The following SLC22A4 variants were observed in gnomAD, a reference collection of about 807,000 sequenced individuals.
SLC22A4 encodes ET transporter.
A neutral mutation model predicts 56.6 loss-of-function variants in SLC22A4; 39 were observed. The observed-to-expected ratio is 0.69, with a 90% confidence interval of 0.53 to 0.90. The LOEUF is 0.90. Among genes scored for constraint, SLC22A4 ranks in the 40% least tolerant of loss-of-function variants. The probability of loss-of-function intolerance (pLI) is 0.00; values close to 1 mark genes in which losing one functional copy is unlikely to be tolerated. For missense variants in SLC22A4, 594 were observed against 696.5 expected (o/e 0.85, Z 1.66); for synonymous variants, 241 against 281.4 (o/e 0.86, Z 1.44).
At chr5:132,302,713 CAGACTGGT>C (rs1296808928) in intron 1 of SLC22A4, among the ~76,000 whole-genome samples, 1 of 152,216 alleles carries the variant, frequency 6.6e-6, no homozygotes, top group Non-Finnish European at 1.5e-5. Flanking sequence ...TCCCCTAATA[CAGACTGGT>C]AGAGCTGTGG....
chr5:132,326,082 G>A (rs1750681061), intron 4 of SLC22A4, among the ~76,000 whole-genome samples: 1 of 152,214 alleles, frequency 6.6e-6, no homozygotes, highest in African/African-American at 2.4e-5. Context: ...GGGCAGCCCT[G>A]CTCTGCAGGA....
At chr5:132,331,636 T>C in intron 5 of SLC22A4, 120 bp from the exon 6 acceptor site, 1 of 789,350 alleles carries the variant, frequency 1.3e-6, no homozygotes, top group Middle Eastern at 2.2e-4. Context: ...TCACCAGACT[T>C]CTAAGCATAG....
chr5:132,297,851 G>T (rs1272775855), intron 1 of SLC22A4, among the ~76,000 whole-genome samples: 1 of 152,056 alleles, frequency 6.6e-6, no homozygotes, highest in African/African-American at 2.4e-5. Flanking sequence ...AGGAGGCTGG[G>T]GCAGGAGGAT....
chr5:132,305,339 A>T (rs756283731), intron 1 of SLC22A4, among the ~76,000 whole-genome samples: 2 of 152,100 alleles, frequency 1.3e-5, no homozygotes, highest in Non-Finnish European at 2.9e-5. Context: ...CTAGGAGAGG[A>T]GAGAGAGAGA....
Position 132,322,353 on chromosome 5 carries a change from G to A in SLC22A4, c.822G>A (p.Trp274Ter). Residue 274 changes from tryptophan to a stop codon, truncating the protein, a stop_gained and splice_region_variant, in exon 4 of 10, where the codon TGG (tryptophan) becomes TGA (stop). Coordinates refer to ENST00000200652, the MANE Select transcript of SLC22A4 (RefSeq NM_003059.3). LOFTEE classifies it high-confidence loss of function. ...TVPGVLCVPLWWFIPESPRWL... is the reference protein window; with the variant it reads ...TVPGVLCVPL ...CGGGAGTGCTGTGTGTCCCGCTGTG[G>A]TGGTGAGTGTGACTCGTCCCCAGAC... is the stretch of plus-strand genomic sequence containing the variant. The A allele has an allele frequency of 6.2e-7, 1 of 1,613,380 alleles. No homozygotes were observed. The highest frequency in any genetic ancestry group is 1.1e-5 in the South Asian group (1 of 91,048).
intron 3 of SLC22A4, among the ~76,000 whole-genome samples, chr5:132,316,135 A>T (rs1239448047): frequency 1.3e-5 from 2 of 152,192 alleles, no homozygotes; most frequent in South Asian, 2.1e-4. Flanking sequence ...GCCCTAAGGA[A>T]GGGTTGGCAA....
chr5:132,317,364 CT>C (rs1750391970), intron 3 of SLC22A4, among the ~76,000 whole-genome samples: 1 of 152,234 alleles, frequency 6.6e-6, no homozygotes, highest in Middle Eastern at 3.2e-3. Flanking sequence ...CCCCTCGCCC[CT>C]GGCAACCACT....
In SLC22A4 at chr5:132,322,364, G is replaced by A; in HGVS notation, c.824+9G>A. 1 of 1,612,932 alleles carries A rather than the reference G, an allele frequency of 6.2e-7. No homozygotes were observed. The highest frequency in any genetic ancestry group is 8.5e-7 in the Non-Finnish European group (1 of 1,179,666). ...TGTGTCCCGCTGTGGTGGTGAGTGT[G>A]ACTCGTCCCCAGACAGGCCCTCTGC... On this transcript the variant is annotated intron_variant, in intron 4 of 9. Transcript: ENST00000200652.
intron 5 of SLC22A4, among the ~76,000 whole-genome samples, chr5:132,328,889 A>G (rs941737292): frequency 3.9e-5 from 2 of 51,652 alleles, no homozygotes; most frequent in African/African-American, 1.1e-4. Context: ...ATGTGTATAT[A>G]TATGTGTGTA....
rs56259514 is a variant in SLC22A4 at position 132,308,372 on chromosome 5, ATTTTTTTTTTTTT to A, written c.394-3764_394-3752del. On this transcript the variant is annotated intron_variant, in intron 1 of 9. Transcript: ENST00000200652. ...TGTCAGTTGAATCAATGATTAAGCA[ATTTTTTTTTTTTT>A]TTTTTTTTTTTTTTTTTTTTTTTTA... 2.6e-4 allele frequency among the ~76,000 whole-genome samples: 16 copies of A among 61,328 alleles called. No homozygotes were observed. The South Asian group carries it at 3.1e-3, about 12-fold the overall frequency. 40.2% of individuals were successfully genotyped at this position (61,328 alleles called of 152,430 possible). A position where few individuals can be genotyped will look rare whatever the true frequency, so the allele number is the denominator to read the frequency against.
chr5:132,326,621 A>G (rs917045973), intron 4 of SLC22A4, among the ~76,000 whole-genome samples: 14 of 152,280 alleles, frequency 9.2e-5, no homozygotes, highest in Non-Finnish European at 1.9e-4. Flanking sequence ...AGCATCAGCT[A>G]TAAATGGGAA....
At chr5:132,326,020 T>G (rs557543261) in intron 4 of SLC22A4, among the ~76,000 whole-genome samples, 8 of 152,238 alleles carry the variant, frequency 5.3e-5, no homozygotes, top group Admixed American at 5.2e-4. Flanking sequence ...TAATTAAAAG[T>G]AGTTATAAAT....
chr5:132,340,553 C>A lies in SLC22A4; in HGVS notation c.1445-12C>A. 1 of 1,613,482 alleles carries A rather than the reference C, an allele frequency of 6.2e-7. No homozygotes were observed. The highest frequency in any genetic ancestry group is 2.2e-5 in the East Asian group (1 of 44,866). On this transcript the variant is annotated splice_polypyrimidine_tract_variant and intron_variant, in intron 8 of 9. Transcript: ENST00000200652. ...CTATCTGATTGATGTTCTTATGTCC[C>A]GGGCTTTACAGGTGCTTACAACAGA...
chr5:132,301,655 T>C (rs971476062), intron 1 of SLC22A4, among the ~76,000 whole-genome samples: 1 of 152,198 alleles, frequency 6.6e-6, no homozygotes, highest in Non-Finnish European at 1.5e-5. Flanking sequence ...GGGGAACTTC[T>C]GGGAGGCACT....
At chr5:132,328,068 G>A (rs1750732365) in intron 5 of SLC22A4, among the ~76,000 whole-genome samples, 1 of 152,182 alleles carries the variant, frequency 6.6e-6, no homozygotes, top group African/African-American at 2.4e-5. Context: ...ATTGGCAAGA[G>A]GATTAGATAA....
intron 1 of SLC22A4, among the ~76,000 whole-genome samples, chr5:132,301,542 G>A (rs1229091886): frequency 6.6e-6 from 1 of 152,218 alleles, no homozygotes; most frequent in Admixed American, 6.5e-5. Context: ...CCTGGGAACT[G>A]GGGTCAGGGC....
At chr5:132,328,838 TACACACAC>T (rs200357854) in intron 5 of SLC22A4, among the ~76,000 whole-genome samples, 5 of 138,592 alleles carry the variant, frequency 3.6e-5, no homozygotes, top group Non-Finnish European at 6.1e-5. Context: ...TATATATATA[TACACACAC>T]ACACACACAC....
At chr5:132,299,963 A>G (rs997474320) in intron 1 of SLC22A4, among the ~76,000 whole-genome samples, 7 of 152,202 alleles carry the variant, frequency 4.6e-5, no homozygotes, top group Admixed American at 3.3e-4. Flanking sequence ...CAGTTTTTCT[A>G]CTACTGCCCT....
In SLC22A4 at chr5:132,322,503, T is replaced by G. The variant is rs989751235; in HGVS notation, c.824+148T>G. 4.1e-6 allele frequency: 3 copies of G among 738,864 alleles called. No homozygotes were observed. In the African/African-American group the frequency reaches 5.2e-5, roughly 13 times the overall value. The allele number at this position is 738,864 out of a possible 1,614,324, so 45.8% of individuals were successfully genotyped here. ...CTTCCAAGCCGGGAGAGTTTTTGCC[T>G]CATTGTGGGTGGGCCTGTGTGCTGG... On this transcript the variant is annotated intron_variant, in intron 4 of 9. Coordinates refer to ENST00000200652, the MANE Select transcript of SLC22A4 (RefSeq NM_003059.3).
Sources: gnomAD v4.1 joint callset for allele counts (sites outside exome capture counted in the v4.1 genomes callset) on GRCh38, gnomAD v4.1.1 for gene constraint, MANE v1.5 for transcripts, NCBI Gene and HGNC (gene_info 2026-07-23, HGNC 2026-07-21) for gene names.